The following GRID1 variants were observed in gnomAD, a reference collection of about 807,000 sequenced individuals.
GRID1 encodes glutamate ionotropic receptor delta type subunit 1.
GRID1 carries 28 observed loss-of-function variants against 98.0 expected under a neutral mutation model. The observed-to-expected ratio is 0.29, with a 90% CI of 0.21 to 0.39. GRID1 has a LOEUF of 0.39. GRID1 is among the 10% of genes least tolerant of loss of function. The pLI, the probability that GRID1 is intolerant of heterozygous loss-of-function variation, is 1.00. For missense variants in GRID1, 1,111 were observed against 1,340.5 expected (o/e 0.83, Z 2.67); for synonymous variants, 553 against 538.5 (o/e 1.03, Z -0.37).
intron 2 of GRID1, among the ~76,000 whole-genome samples, chr10:86,240,223 C>T (rs770129757): frequency 4.6e-5 from 7 of 152,224 alleles, no homozygotes; most frequent in South Asian, 2.1e-4. Flanking sequence ...GGCTCAGAAG[C>T]GGACACTGTA....
rs1841620306 is a variant in GRID1 at position 85,916,340 on chromosome 10, A to G, written c.727-101T>C. The G allele has an allele frequency of 4.2e-6, 4 of 948,114 alleles. No homozygotes were observed. Among genetic ancestry groups the G allele is most frequent in the Non-Finnish European group, 6.7e-6 (4 of 593,514 alleles). The allele number at this position is 948,114 out of a possible 1,614,324, so 58.7% of individuals were successfully genotyped here. Reference sequence around the variant, plus strand: ...AGTTTTATAAACATTGTTCTTGGAGAATATTTTCCTCACAAAACATGCCAT... The same window carrying G: ...AGTTTTATAAACATTGTTCTTGGAGGATATTTTCCTCACAAAACATGCCAT... On this transcript the variant is annotated intron_variant, in intron 4 of 15. Coordinates refer to ENST00000327946, the MANE Select transcript of GRID1 (RefSeq NM_017551.3). The surrounding 1 kb of genome is among the most constrained non-coding windows in gnomAD (Gnocchi z 4.0).
At chr10:85,719,454 C>A (rs1451289286) in intron 12 of GRID1, among the ~76,000 whole-genome samples, 1 of 152,186 alleles carries the variant, frequency 6.6e-6, no homozygotes, top group Non-Finnish European at 1.5e-5. Context: ...ATTGGACTTA[C>A]AGTTTCACAT....
rs552463024 is a variant in GRID1, at chr10:86,293,524, T to A, written c.235+70417A>T. On this transcript the variant is annotated intron_variant, in intron 2 of 15. Coordinates refer to ENST00000327946, the MANE Select transcript of GRID1 (RefSeq NM_017551.3). ...CAGAGCCATTTACATGTTAAAGACT[T>A]TTTTTGTTATTATTCTGCATATTAC... is the stretch of plus-strand genomic sequence containing the variant. Among the ~76,000 whole-genome samples the A allele has an allele frequency of 2.0e-5, 3 of 152,322 alleles. No homozygotes were observed. In the South Asian group the frequency reaches 6.2e-4, roughly 32 times the overall value.
intron 2 of GRID1, among the ~76,000 whole-genome samples, chr10:86,236,138 C>T (rs1467595333): frequency 6.6e-6 from 1 of 152,152 alleles, no homozygotes; most frequent in East Asian, 1.9e-4. Flanking sequence ...TCCCTAAAGA[C>T]TAACATTATT....
Position 86,351,097 on chromosome 10 carries a change from A to G in GRID1, c.235+12844T>C, listed in dbSNP as rs530505376. On this transcript the variant is annotated intron_variant, in intron 2 of 15. Transcript: ENST00000327946. ...AGCCTGCAGTACAGCAGATGCTGCC[A>G]AGCTCACTGCATTCCTTTACCCAGT... 3.9e-5 allele frequency among the ~76,000 whole-genome samples: 6 copies of G among 152,358 alleles called. No homozygotes were observed. The South Asian group carries it at 8.3e-4, about 21-fold the overall frequency.
intron 8 of GRID1, among the ~76,000 whole-genome samples, chr10:85,800,160 C>CA (rs55648626): frequency 0.08 from 11,761 of 146,654 alleles, 519 homozygotes; most frequent in Non-Finnish European, 0.098. Context: ...TATAGAATTA[C>CA]AAAAAAAAAA....
At chr10:85,684,363 A>G (rs1444495420) in intron 12 of GRID1, among the ~76,000 whole-genome samples, 1 of 152,214 alleles carries the variant, frequency 6.6e-6, no homozygotes, top group African/African-American at 2.4e-5. Context: ...AAAACCCTAA[A>G]CAAAATATTA....
At chr10:86,326,410 A>G (rs1848051201) in intron 2 of GRID1, among the ~76,000 whole-genome samples, 1 of 152,238 alleles carries the variant, frequency 6.6e-6, no homozygotes, top group South Asian at 2.1e-4. Context: ...CAAGAATTGC[A>G]TGTGTTTACT....
chr10:85,920,556 C>A (rs1841688242), intron 4 of GRID1, among the ~76,000 whole-genome samples: 1 of 152,162 alleles, frequency 6.6e-6, no homozygotes, highest in Non-Finnish European at 1.5e-5. Flanking sequence ...ATGGATACAC[C>A]AGGGCAAAAA....
chr10:85,651,860 T>C (rs1843275449), intron 12 of GRID1, among the ~76,000 whole-genome samples: 1 of 152,196 alleles, frequency 6.6e-6, no homozygotes, highest in South Asian at 2.1e-4. Flanking sequence ...ATATTTTGTG[T>C]TGGAATCCTC....
intron 2 of GRID1, among the ~76,000 whole-genome samples, chr10:86,207,798 A>G (rs1846053982): frequency 6.6e-6 from 1 of 151,764 alleles, no homozygotes; most frequent in African/African-American, 2.4e-5. Flanking sequence ...TGCCCGGCTA[A>G]TTTTTGTATT....
At chr10:86,237,917 C>T (rs188961217) in intron 2 of GRID1, among the ~76,000 whole-genome samples, 12 of 151,990 alleles carry the variant, frequency 7.9e-5, no homozygotes, top group Admixed American at 2.0e-4. Context: ...TGAGAACCGA[C>T]GAATACAGCA....
At chr10:85,789,200 T>C (rs78507541) in intron 8 of GRID1, among the ~76,000 whole-genome samples, 5,832 of 152,148 alleles carry the variant, frequency 0.038, 159 homozygotes, top group African/African-American at 0.049. Flanking sequence ...CTATTTATGA[T>C]CTATTTTCAA....
intron 12 of GRID1, among the ~76,000 whole-genome samples, chr10:85,673,681 C>G (rs148909141): frequency 6.6e-6 from 1 of 152,126 alleles, no homozygotes; most frequent in South Asian, 2.1e-4. Context: ...AGACATAATG[C>G]TATTGAATAC....
chr10:85,618,677 C>T (rs1343551198), intron 14 of GRID1, among the ~76,000 whole-genome samples: 1 of 152,190 alleles, frequency 6.6e-6, no homozygotes, highest in Admixed American at 6.5e-5. Flanking sequence ...CCTCAGCCTT[C>T]CCTTGGTGGG....
intron 4 of GRID1, among the ~76,000 whole-genome samples, chr10:86,113,926 A>T (rs2131954018): frequency 6.6e-6 from 1 of 152,360 alleles, no homozygotes; most frequent in East Asian, 1.9e-4. Context: ...CAAGCTACCC[A>T]ACAACAAAAT....
chr10:85,612,980 G>A (rs74148719), intron 15 of GRID1: 8,257 of 162,428 alleles, frequency 0.051, 403 homozygotes, highest in African/African-American at 0.13. Flanking sequence ...ATCCCCTGAT[G>A]CGCTGGGAGA....
intron 4 of GRID1, among the ~76,000 whole-genome samples, chr10:85,952,708 T>C (rs999494112): frequency 6.6e-6 from 1 of 152,218 alleles, no homozygotes; most frequent in Non-Finnish European, 1.5e-5. Context: ...CTCTATTTCA[T>C]GGGTTCTCTC....
At chr10:86,348,875 C>T (rs1298713984) in intron 2 of GRID1, among the ~76,000 whole-genome samples, 1 of 152,240 alleles carries the variant, frequency 6.6e-6, no homozygotes, top group African/African-American at 2.4e-5. Flanking sequence ...CAGTGGATCC[C>T]ATCCTGGCTG....
Sources: allele counts gnomAD v4.1 joint callset (sites outside exome capture counted in the v4.1 genomes callset), GRCh38; gene constraint gnomAD v4.1.1; non-coding constraint Gnocchi (gnomAD v3.1); transcripts MANE v1.5; gene names NCBI Gene and HGNC (gene_info 2026-07-23, HGNC 2026-07-21).